Variants in CGNL1 observed in about 807,000 individuals in gnomAD.
CGNL1 encodes cingulin like 1, also known as cingulin-like protein 1.
In CGNL1, 132 loss-of-function variants were observed where a neutral mutation model predicts 141.2. The ratio of observed to expected loss-of-function variants is 0.93; its 90% confidence interval spans 0.81 to 1.08. The LOEUF is 1.08. Among genes scored for constraint, CGNL1 ranks in the 50% least tolerant of loss-of-function variants. CGNL1 has a pLI of 0.00. For synonymous variants in CGNL1, 690 were observed against 622.1 expected, an observed-to-expected ratio of 1.11 and a Z score of -1.63; for missense variants, 1,870 against 1,588.6, an observed-to-expected ratio of 1.18 and a Z score of -3.01.
intron 13 of CGNL1, among the ~76,000 whole-genome samples, chr15:57,530,407 G>T (rs1399724718): frequency 1.3e-5 from 2 of 152,148 alleles, no homozygotes; most frequent in African/African-American, 4.8e-5. Context: ...GGGGTGTTTC[G>T]TCCCCTAAGA....
chr15:57,431,586 C>T (rs2063045271), intron 1 of CGNL1, among the ~76,000 whole-genome samples: 1 of 152,244 alleles, frequency 6.6e-6, no homozygotes, highest in African/African-American at 2.4e-5. Context: ...GTTCCACAGA[C>T]ACATCCTTTA....
intron 8 of CGNL1, among the ~76,000 whole-genome samples, chr15:57,474,188 G>A (rs1396488652): frequency 6.6e-6 from 1 of 152,058 alleles, no homozygotes; most frequent in East Asian, 1.9e-4. Flanking sequence ...TGGGATTACA[G>A]GTGTAAGCCA....
chr15:57,515,829 C>G (rs1337484438), intron 8 of CGNL1, among the ~76,000 whole-genome samples: 1 of 152,084 alleles, frequency 6.6e-6, no homozygotes, highest in Non-Finnish European at 1.5e-5. Context: ...TGAAAAAAAT[C>G]TGTACTCCGA....
At chr15:57,410,856 C>G (rs1293139755) in intron 1 of CGNL1, among the ~76,000 whole-genome samples, 1 of 152,138 alleles carries the variant, frequency 6.6e-6, no homozygotes, top group East Asian at 1.9e-4. Flanking sequence ...TAATAAGAGA[C>G]TGAAGTTCGT....
At chr15:57,424,119 T>A (rs1172824945) in intron 1 of CGNL1, among the ~76,000 whole-genome samples, 1 of 152,226 alleles carries the variant, frequency 6.6e-6, no homozygotes, top group East Asian at 1.9e-4. Context: ...TGCCCTTAGC[T>A]GCTCTGCCCT....
At position 57,538,011 on chromosome 15, in the gene CGNL1, C is replaced by G. The variant is rs536462135; in HGVS notation, c.3292-5685C>G. 2.7e-4 allele frequency among the ~76,000 whole-genome samples: 39 copies of G among 143,200 alleles called. No individual in the cohort carries two copies. In the East Asian group the frequency reaches 7.4e-3, roughly 27 times the overall value. 93.9% of individuals were successfully genotyped at this position (143,200 alleles called of 152,430 possible). On this transcript the variant is annotated intron_variant, in intron 14 of 18. Coordinates refer to ENST00000281282, the MANE Select transcript of CGNL1 (RefSeq NM_032866.5). ...GCCATAGGTTTTTCCCTCCTCCCCG[C>G]CACCCCCCGCCCCAGGGCAGGTGCC...
At chr15:57,545,385 T>C (rs889192264) in intron 16 of CGNL1, among the ~76,000 whole-genome samples, 1 of 152,220 alleles carries the variant, frequency 6.6e-6, no homozygotes, top group Non-Finnish European at 1.5e-5. Context: ...CTCTGAAGCC[T>C]TGGGCCAGTC....
chr15:57,425,740 CAAAA>C (rs35847617), intron 1 of CGNL1, among the ~76,000 whole-genome samples: 45 of 114,198 alleles, frequency 3.9e-4, no homozygotes, highest in Non-Finnish European at 6.5e-4. Context: ...GAGCCTGTCT[CAAAA>C]AAAAAAAAAA....
At chr15:57,391,575 C>T (rs897301103) in intron 1 of CGNL1, among the ~76,000 whole-genome samples, 1 of 152,160 alleles carries the variant, frequency 6.6e-6, no homozygotes, top group African/African-American at 2.4e-5. Flanking sequence ...GCTGCTTTTA[C>T]TTGCAAGTAA....
intron 2 of CGNL1, among the ~76,000 whole-genome samples, chr15:57,439,927 A>G (rs2063164025): frequency 6.6e-6 from 1 of 152,212 alleles, no homozygotes; most frequent in Admixed American, 6.5e-5. Flanking sequence ...TTCTACACAG[A>G]GGCTGAATAG....
chr15:57,445,144 C>T (rs2063235864), intron 4 of CGNL1, among the ~76,000 whole-genome samples: 1 of 152,036 alleles, frequency 6.6e-6, no homozygotes, highest in South Asian at 2.1e-4. Context: ...GCCTGTAGCC[C>T]CAGCTACTCA....
Position 57,439,016 on chromosome 15 carries a change from A to T in CGNL1, c.1017A>T (p.Pro339=). 6.2e-7 allele frequency: 1 copy of T among 1,614,240 alleles called. No homozygotes were observed. Among genetic ancestry groups the T allele is most frequent in the Non-Finnish European group, 8.5e-7 (1 of 1,180,038 alleles). The part of the protein sequence containing the change: ...HENRRYIPFL[P]GTGRDIDTGS... The stretch of plus-strand genomic sequence containing the variant: ...ACAGAAGGTATATTCCCTTCCTGCC[A>T]GGAACTGGACGGGATATTGATACAG... Residue 339 remains proline (P), a synonymous_variant, in exon 2 of 19, where the codon CCA becomes CCT. Coordinates refer to ENST00000281282, the MANE Select transcript of CGNL1 (RefSeq NM_032866.5).
intron 7 of CGNL1, among the ~76,000 whole-genome samples, chr15:57,456,102 G>A (rs2152327275): frequency 6.6e-6 from 1 of 152,180 alleles, no homozygotes; most frequent in Middle Eastern, 3.4e-3. Context: ...ATGATCTACG[G>A]TTTCTACGTC....
intron 1 of CGNL1, among the ~76,000 whole-genome samples, chr15:57,387,607 C>T (rs975145021): frequency 9.9e-5 from 15 of 152,170 alleles, no homozygotes; most frequent in Admixed American, 2.0e-4. Context: ...CTCTGCGTGA[C>T]AGGTTTTAAA....
At chr15:57,418,645 C>T (rs2062877703) in intron 1 of CGNL1, among the ~76,000 whole-genome samples, 2 of 152,180 alleles carry the variant, frequency 1.3e-5, no homozygotes, top group African/African-American at 4.8e-5. Context: ...CACACCCTAC[C>T]TTGTCTAGTC....
intron 8 of CGNL1, among the ~76,000 whole-genome samples, chr15:57,472,917 C>T (rs2063601023): frequency 6.6e-6 from 1 of 152,184 alleles, no homozygotes; most frequent in African/African-American, 2.4e-5. Flanking sequence ...TAAACACTTA[C>T]AGAAGCAGAG....
intron 1 of CGNL1, among the ~76,000 whole-genome samples, chr15:57,414,246 C>A (rs1464866027): frequency 1.3e-5 from 2 of 152,164 alleles, no homozygotes; most frequent in Non-Finnish European, 2.9e-5. Flanking sequence ...CCTGCATGTT[C>A]CTCAGAGGCT....
intron 8 of CGNL1, among the ~76,000 whole-genome samples, chr15:57,498,245 GTTTTTT>G (rs56793548): frequency 9.9e-6 from 1 of 101,090 alleles, no homozygotes; most frequent in South Asian, 4.2e-4. Context: ...TGGGGAAACA[GTTTTTT>G]TTTTTTTTTT....
chr15:57,381,861 C>T (rs562161149), intron 1 of CGNL1, among the ~76,000 whole-genome samples: 7 of 152,152 alleles, frequency 4.6e-5, no homozygotes, highest in South Asian at 2.1e-4. Flanking sequence ...AAGGCCACTG[C>T]GACCTTGTGA....
Sources: gnomAD v4.1 joint callset for allele counts (sites outside exome capture counted in the v4.1 genomes callset) on GRCh38, gnomAD v4.1.1 for gene constraint, MANE v1.5 for transcripts, NCBI Gene and HGNC (gene_info 2026-07-23, HGNC 2026-07-21) for gene names.